APPBP2: variants seen among roughly 807,000 people sequenced by gnomAD.
APPBP2 encodes amyloid protein-binding protein 2.
APPBP2 carries 15 observed loss-of-function variants against 76.0 expected under a neutral mutation model. That is an observed-to-expected ratio of 0.20 (90% CI 0.13 to 0.30). APPBP2 has a LOEUF of 0.30. Ranked by LOEUF, APPBP2 falls within the 10% of genes least tolerant of loss-of-function variation. The pLI, the probability that APPBP2 is intolerant of heterozygous loss-of-function variation, is 1.00. For missense variants in APPBP2, 401 were observed against 687.2 expected, an observed-to-expected ratio of 0.58 and a Z score of 4.66; for synonymous variants, 222 against 242.2, an observed-to-expected ratio of 0.92 and a Z score of 0.77.
chr17:60,498,518 T>C (rs145782324), intron 2 of APPBP2, among the ~76,000 whole-genome samples: 3 of 152,152 alleles, frequency 2.0e-5, no homozygotes, highest in Non-Finnish European at 2.9e-5. Flanking sequence ...AGCTAAAAAG[T>C]GGAAACAGCC....
At chr17:60,479,292 A>C (rs370656800) in intron 3 of APPBP2, 21 bp from the exon 4 acceptor site, 18 of 1,582,986 alleles carry the variant, frequency 1.1e-5, no homozygotes, top group Non-Finnish European at 1.5e-5. Flanking sequence ...AAGAAACACC[A>C]ATTTTAGAAA....
chr17:60,489,076 G>A (rs1015126552), intron 3 of APPBP2, among the ~76,000 whole-genome samples: 1 of 151,628 alleles, frequency 6.6e-6, no homozygotes, highest in African/African-American at 2.4e-5. Context: ...CAAAAAATTA[G>A]CTGGGTATGG....
intron 6 of APPBP2, among the ~76,000 whole-genome samples, chr17:60,463,039 A>C (rs1420657098): frequency 1.3e-5 from 2 of 152,024 alleles, no homozygotes; most frequent in Non-Finnish European, 2.9e-5. Context: ...TATTTCAATT[A>C]ATTAAAAACG....
chr17:60,497,229 TA>T (rs768299809), intron 2 of APPBP2, among the ~76,000 whole-genome samples: 11 of 152,108 alleles, frequency 7.2e-5, no homozygotes, highest in African/African-American at 9.7e-5. Flanking sequence ...GTATGGTAAG[TA>T]AAAGAAGCCA....
intron 4 of APPBP2, among the ~76,000 whole-genome samples, chr17:60,467,650 T>C (rs879323516): frequency 3.9e-5 from 6 of 152,078 alleles, no homozygotes; most frequent in African/African-American, 4.8e-5. Flanking sequence ...ATAAAGATGA[T>C]AAAAAAGTAG....
rs2091054251 is a variant in APPBP2, at chr17:60,526,189, G to A, written c.-258C>T. The A allele has an allele frequency of 8.4e-6, 4 of 478,686 alleles. No homozygotes were observed. The highest frequency in any genetic ancestry group is 3.4e-5 in the Admixed American group (1 of 29,232). The allele number at this position is 478,686 out of a possible 1,614,324, so 29.7% of individuals were successfully genotyped here. ...AAAGCGTCACAATCCCGGTTCGAGA[G>A]GAACCCGGGTTCCGTCCCAGCGCTG... On this transcript the variant is annotated 5_prime_UTR_variant, in exon 1 of 13. Transcript: ENST00000083182.
chr17:60,489,861 C>A (rs1310674014), intron 3 of APPBP2, among the ~76,000 whole-genome samples: 1 of 151,712 alleles, frequency 6.6e-6, no homozygotes, highest in Non-Finnish European at 1.5e-5. Flanking sequence ...CATGGTGAAC[C>A]CCGTCTCTAC....
At position 60,445,908 on chromosome 17, in the gene APPBP2, CA is replaced by C. The variant is rs2090342688; in HGVS notation, c.*1672del. On this transcript the variant is annotated 3_prime_UTR_variant, in exon 13 of 13. Transcript: ENST00000083182. Reference sequence around the variant, plus strand: ...CCTAGGGAACTTAAATGCAATGGCTCAAAACTAATAGGACTGCAAATAACAG... The same window carrying C: ...CCTAGGGAACTTAAATGCAATGGCTCAAACTAATAGGACTGCAAATAACAG... 6.6e-6 allele frequency: 1 copy of C among 152,156 alleles called. No individual in the cohort carries two copies. Among genetic ancestry groups the C allele is most frequent in the South Asian group, 2.1e-4 (1 of 4,834 alleles). 9.4% of individuals were successfully genotyped at this position (152,156 alleles called of 1,614,324 possible).
intron 4 of APPBP2, among the ~76,000 whole-genome samples, chr17:60,470,012 ATTTC>A (rs1412630442): frequency 2.0e-5 from 3 of 151,096 alleles, no homozygotes; most frequent in African/African-American, 7.4e-5. Flanking sequence ...AAAGTTTCCA[ATTTC>A]TTTTTTTTTT....
At chr17:60,505,679 T>TG (rs1567938578) in intron 1 of APPBP2, among the ~76,000 whole-genome samples, 2 of 124,188 alleles carry the variant, frequency 1.6e-5, no homozygotes, top group Admixed American at 1.5e-4. Flanking sequence ...CCCTGCGGTT[T>TG]TTTTTTTTTT....
At chr17:60,511,984 T>G (rs2090917257) in intron 1 of APPBP2, among the ~76,000 whole-genome samples, 1 of 152,152 alleles carries the variant, frequency 6.6e-6, no homozygotes, top group African/African-American at 2.4e-5. Flanking sequence ...CTGGGAAAAG[T>G]TACATCTTTG....
At position 60,503,883 on chromosome 17, in the gene APPBP2, G is replaced by T. The variant is rs978994975; in HGVS notation, c.139-3396C>A. Among the ~76,000 whole-genome samples, 3 of 130,540 alleles carry T rather than the reference G, an allele frequency of 2.3e-5. 1 individual carries two copies. The highest frequency in any genetic ancestry group is 1.4e-4 in the African/African-American group (3 of 21,256). 85.6% of individuals were successfully genotyped at this position (130,540 alleles called of 152,430 possible). ...AAATCATATAATTAGGATGGGCAAA[G>T]CAGGAATCTTACCCAGGCAGTCTGT... On this transcript the variant is annotated intron_variant, in intron 1 of 12. Transcript: ENST00000083182.
At chr17:60,452,527 A>T (rs947937907) in intron 11 of APPBP2, among the ~76,000 whole-genome samples, 1 of 152,190 alleles carries the variant, frequency 6.6e-6, no homozygotes, top group East Asian at 1.9e-4. Context: ...TTTTTATTCC[A>T]ACAAACTAAA....
chr17:60,497,632 G>C (rs1387261303), intron 2 of APPBP2, among the ~76,000 whole-genome samples: 2 of 151,926 alleles, frequency 1.3e-5, no homozygotes, highest in Non-Finnish European at 2.9e-5. Flanking sequence ...TAATATGTAT[G>C]TACTATGTAC....
At chr17:60,485,918 T>G (rs2090673521) in intron 3 of APPBP2, among the ~76,000 whole-genome samples, 1 of 152,194 alleles carries the variant, frequency 6.6e-6, no homozygotes, top group Admixed American at 6.5e-5. Flanking sequence ...CTTATTGGTT[T>G]CAAAGACATC....
intron 9 of APPBP2, chr17:60,460,413 G>T: frequency 4.4e-6 from 1 of 225,746 alleles, no homozygotes; most frequent in Non-Finnish European, 8.6e-6. Context: ...TTGGGCTCAA[G>T]CAATCTTTCC....
intron 1 of APPBP2, among the ~76,000 whole-genome samples, chr17:60,523,548 G>A (rs2091027286): frequency 6.6e-6 from 1 of 152,128 alleles, no homozygotes; most frequent in African/African-American, 2.4e-5. Flanking sequence ...AGGAAGAAAA[G>A]TCAGGTGCGG....
intron 3 of APPBP2, among the ~76,000 whole-genome samples, chr17:60,485,436 T>G (rs536997194): frequency 6.6e-6 from 1 of 152,262 alleles, no homozygotes; most frequent in East Asian, 1.9e-4. Context: ...CTTGGGAGGG[T>G]GTATGTGTCC....
At chr17:60,498,994 G>A (rs2090799815) in intron 2 of APPBP2, among the ~76,000 whole-genome samples, 1 of 151,958 alleles carries the variant, frequency 6.6e-6, no homozygotes, top group South Asian at 2.1e-4. Flanking sequence ...TAAGAAATTA[G>A]TCAAAAATAA....
Sources: gnomAD v4.1 joint callset for allele counts (sites outside exome capture counted in the v4.1 genomes callset) on GRCh38, gnomAD v4.1.1 for gene constraint, MANE v1.5 for transcripts, NCBI Gene and HGNC (gene_info 2026-07-23, HGNC 2026-07-21) for gene names.